The following DDHD2 variants were observed in gnomAD, a reference collection of about 807,000 sequenced individuals.
DDHD2 encodes triacylglycerol hydrolase DDHD2.
DDHD2 carries 62 observed loss-of-function variants against 91.2 expected under a neutral mutation model. The observed-to-expected ratio is 0.68, with a 90% confidence interval of 0.55 to 0.84. The LOEUF is 0.84. Among genes scored for constraint, DDHD2 ranks in the 40% least tolerant of loss-of-function variants. The pLI is 0.00. For synonymous variants in DDHD2, 271 were observed against 293.9 expected (o/e 0.92, Z 0.80); for missense variants, 740 against 846.9 (o/e 0.87, Z 1.57).
intron 11 of DDHD2, 45 bp downstream of exon 11, chr8:38,249,848 T>A: frequency 7.5e-7 from 1 of 1,326,336 alleles, no homozygotes; most frequent in Non-Finnish European, 1.1e-6. Flanking sequence ...TTCTTTGATG[T>A]CCATAGTGTG....
intron 10 of DDHD2, 78 bp from the exon 11 acceptor site, chr8:38,249,630 T>C: frequency 1.1e-6 from 1 of 919,858 alleles, no homozygotes; most frequent in South Asian, 1.7e-5. Flanking sequence ...ACAGAGTGCC[T>C]AGGCCTTGTT....
At chr8:38,237,703 C>A in intron 4 of DDHD2, 76 bp downstream of exon 4, 1 of 780,130 alleles carries the variant, frequency 1.3e-6, no homozygotes, top group Non-Finnish European at 2.0e-6. Context: ...GTTTCTTTTG[C>A]TAAGCACTCT....
At chr8:38,268,766 C>T (rs1808154762) in intron 1 of DDHD2, 2 of 1,438,178 alleles carry the variant, frequency 1.4e-6, no homozygotes, top group South Asian at 1.5e-5. Context: ...ACCCAGCGCA[C>T]AGCAGCGGAG....
intron 11 of DDHD2, chr8:38,250,740 T>A (rs943705217): frequency 2.0e-5 from 3 of 152,168 alleles, no homozygotes; most frequent in Admixed American, 6.5e-5. Context: ...TTTAGTATAT[T>A]CATAGAGTTA....
chr8:38,239,690 C>CA (rs1392210479), intron 5 of DDHD2, among the ~76,000 whole-genome samples: 73 of 37,590 alleles, frequency 1.9e-3, no homozygotes, highest in East Asian at 2.8e-3. Flanking sequence ...CTGTCACAAA[C>CA]AAAAAAAAAA....
At chr8:38,238,520 C>G in intron 5 of DDHD2, 2 of 1,097,802 alleles carry the variant, frequency 1.8e-6, no homozygotes, top group Non-Finnish European at 2.2e-6. Context: ...GAAATTTATA[C>G]CTGGTAATAA....
chr8:38,235,737 C>A (rs923703589), intron 3 of DDHD2, among the ~76,000 whole-genome samples: 22 of 143,558 alleles, frequency 1.5e-4, no homozygotes, highest in East Asian at 6.2e-4. Flanking sequence ...AAAAAAAAAA[C>A]TGGTGGGCAC....
intron 3 of DDHD2, among the ~76,000 whole-genome samples, chr8:38,236,402 T>G (rs1804754729): frequency 1.3e-5 from 2 of 152,062 alleles, no homozygotes; most frequent in South Asian, 2.1e-4. Context: ...TTGCCCAGGC[T>G]GGAGTCCAGT....
chr8:38,247,859 T>G, intron 10 of DDHD2, 24 bp downstream of exon 10: 6 of 1,533,888 alleles, frequency 3.9e-6, no homozygotes, highest in Non-Finnish European at 5.2e-6. Context: ...TTTAAAACTT[T>G]ATGCCAAGCC....
downstream of DDHD2, chr8:38,264,720 C>T (rs1366712565): frequency 4.9e-6 from 7 of 1,437,886 alleles, no homozygotes; most frequent in Non-Finnish European, 6.4e-6. Context: ...CTAAAATAAC[C>T]TCAATTCCAG....
intron 3 of DDHD2, among the ~76,000 whole-genome samples, chr8:38,236,414 G>A (rs929009904): frequency 6.6e-6 from 1 of 151,784 alleles, no homozygotes; most frequent in Non-Finnish European, 1.5e-5. Context: ...GAGTCCAGTG[G>A]TGCGATCTCG....
chr8:38,233,031 C>G lies in DDHD2; in HGVS notation c.37C>G (p.Gln13Glu). The G allele has an allele frequency of 6.2e-7, 1 of 1,614,156 alleles. No individual in the cohort carries two copies. Among genetic ancestry groups the G allele is most frequent in the Non-Finnish European group, 8.5e-7 (1 of 1,180,034 alleles). The change falls in exon 2 of 18, where the codon CAG (glutamine) becomes GAG (glutamate). Residue 13 changes from glutamine (Q) to glutamate (E), a missense_variant. Physicochemically the swap from Gln to Glu is conservative, Grantham distance 29. Transcript: ENST00000397166. ...SVQSQQEQLSQSDPSPSPNSC... is the reference protein window; with the variant it reads ...SVQSQQEQLSESDPSPSPNSC... ...GCAGTCACAACAGGAGCAGTTGTCC[C>G]AGTCAGATCCATCTCCGTCACCAAA... is the stretch of plus-strand genomic sequence containing the variant.
chr8:38,238,777 A>G, intron 5 of DDHD2: 2 of 756,534 alleles, frequency 2.6e-6, no homozygotes, highest in Non-Finnish European at 3.2e-6. Flanking sequence ...AAAGTATTTT[A>G]TCAATGTTCA....
At chr8:38,249,423 T>G (rs551968317) in intron 10 of DDHD2, among the ~76,000 whole-genome samples, 1 of 151,578 alleles carries the variant, frequency 6.6e-6, no homozygotes, top group Non-Finnish European at 1.5e-5. Flanking sequence ...AAGATTTTTA[T>G]GTCCTGAAGT....
At chr8:38,270,999 G>GT (rs1176391020) in intron 1 of DDHD2, 2 of 152,052 alleles carry the variant, frequency 1.3e-5, no homozygotes, top group Non-Finnish European at 2.9e-5. Flanking sequence ...TTTTTGTTTT[G>GT]TTTTTTTCCC....
chr8:38,269,215 G>T (rs1225019703), intron 1 of DDHD2: 2 of 1,494,176 alleles, frequency 1.3e-6, no homozygotes, highest in African/African-American at 1.5e-5. Context: ...CGCGAGCTCC[G>T]AGCGACGCTG....
intron 16 of DDHD2, among the ~76,000 whole-genome samples, chr8:38,257,458 A>C (rs1167719982): frequency 1.3e-5 from 2 of 151,254 alleles, no homozygotes; most frequent in Non-Finnish European, 2.9e-5. Context: ...CATGTTGGCC[A>C]GGCTGGTCTC....
At chr8:38,267,015 T>C, downstream of DDHD2, 3 of 1,381,968 alleles carry the variant, frequency 2.2e-6, no homozygotes, top group East Asian at 5.3e-5. Flanking sequence ...TAGTACAAGA[T>C]TGCAGGATCT....
At chr8:38,264,675 G>A, downstream of DDHD2, 1 of 1,466,992 alleles carries the variant, frequency 6.8e-7, no homozygotes, top group Non-Finnish European at 9.1e-7. Flanking sequence ...ACATAGCATA[G>A]AGGACCTGGC....
Sources: gnomAD v4.1 joint callset for allele counts (sites outside exome capture counted in the v4.1 genomes callset) on GRCh38, gnomAD v4.1.1 for gene constraint, MANE v1.5 for transcripts, NCBI Gene and HGNC (gene_info 2026-07-23, HGNC 2026-07-21) for gene names.